Variants in CSMD1 observed in about 807,000 individuals in gnomAD.
CSMD1 encodes CUB and Sushi multiple domains 1.
In CSMD1, 213 loss-of-function variants were observed where a neutral mutation model predicts 417.5. The ratio of observed to expected loss-of-function variants is 0.51; its 90% CI spans 0.46 to 0.57. The LOEUF is 0.57. Among genes scored for constraint, CSMD1 ranks in the 20% least tolerant of loss-of-function variants. The pLI, the probability that CSMD1 is intolerant of heterozygous loss-of-function variation, is 0.00. For synonymous variants in CSMD1, 2,862 were observed against 1,736.8 expected (o/e 1.65, Z -16.11); for missense variants, 6,923 against 4,529.7 (o/e 1.53, Z -15.17).
intron 49 of CSMD1, among the ~76,000 whole-genome samples, chr8:3,071,076 G>T (rs1253938297): frequency 1.3e-5 from 2 of 152,034 alleles, no homozygotes; most frequent in African/African-American, 4.8e-5. Flanking sequence ...AGGTGGGTGG[G>T]GATGCCACAC....
intron 5 of CSMD1, among the ~76,000 whole-genome samples, chr8:3,780,704 T>C (rs760120325): frequency 2.0e-5 from 3 of 152,226 alleles, no homozygotes; most frequent in African/African-American, 7.2e-5. Flanking sequence ...GAGCCCAGCC[T>C]GGTGAGAAAT....
chr8:3,203,351 A>G (rs1439154938), intron 31 of CSMD1, among the ~76,000 whole-genome samples: 6 of 152,140 alleles, frequency 3.9e-5, no homozygotes, highest in Admixed American at 3.9e-4. Flanking sequence ...AGCAAACTCA[A>G]TTGCCAAGAG....
At position 3,872,190 on chromosome 8, in the gene CSMD1, T is replaced by G. The variant is rs546996320; in HGVS notation, c.819-118148A>C. Among the ~76,000 whole-genome samples, 3 of 152,324 alleles carry G rather than the reference T, an allele frequency of 2.0e-5. No homozygotes were observed. In the South Asian group the frequency reaches 6.2e-4, roughly 32 times the overall value. On this transcript the variant is annotated intron_variant, in intron 5 of 69. Transcript: ENST00000635120. ...TCCTCAGTTAAATTACAGTGTTTAA[T>G]GGAAATGTGAGATCGTATACTTCAT...
intron 3 of CSMD1, among the ~76,000 whole-genome samples, chr8:4,186,300 T>G (rs1458538135): frequency 6.6e-6 from 1 of 151,894 alleles, no homozygotes; most frequent in African/African-American, 2.4e-5. Context: ...GTGTTCAAGG[T>G]TGGGGGCAGT....
chr8:4,748,155 C>T (rs192487033), intron 1 of CSMD1, among the ~76,000 whole-genome samples: 2 of 152,172 alleles, frequency 1.3e-5, no homozygotes, highest in Non-Finnish European at 2.9e-5. Flanking sequence ...AGAAAACCCA[C>T]AACATGTTTC....
At chr8:4,317,938 G>A (rs1001301017) in intron 3 of CSMD1, among the ~76,000 whole-genome samples, 2 of 152,168 alleles carry the variant, frequency 1.3e-5, no homozygotes, top group Admixed American at 1.3e-4. Flanking sequence ...GATGTAATAT[G>A]TTGCCGTTCC....
At chr8:4,436,832 G>C (rs1325286405) in intron 2 of CSMD1, among the ~76,000 whole-genome samples, 3 of 152,090 alleles carry the variant, frequency 2.0e-5, no homozygotes, top group Admixed American at 6.5e-5. Context: ...AGCCATGTTG[G>C]TGCAAATGAG....
chr8:4,042,060 T>A (rs1006286463), intron 3 of CSMD1, among the ~76,000 whole-genome samples: 11 of 151,956 alleles, frequency 7.2e-5, no homozygotes, highest in Admixed American at 5.9e-4. Flanking sequence ...GACACAAGTA[T>A]GTAATTAAAC....
chr8:4,237,559 G>C (rs770889117), intron 3 of CSMD1, among the ~76,000 whole-genome samples: 2 of 151,030 alleles, frequency 1.3e-5, no homozygotes, highest in African/African-American at 4.9e-5. Context: ...TTTTGAGTTG[G>C]AGTCTTGCTC....
At chr8:4,351,889 C>T (rs748791289) in intron 3 of CSMD1, among the ~76,000 whole-genome samples, 1 of 151,390 alleles carries the variant, frequency 6.6e-6, no homozygotes, top group African/African-American at 2.4e-5. Flanking sequence ...ATGTGGATTA[C>T]GCACTACAGA....
At chr8:4,988,275 G>A (rs930559858) in intron 1 of CSMD1, among the ~76,000 whole-genome samples, 18 of 152,180 alleles carry the variant, frequency 1.2e-4, no homozygotes, top group Admixed American at 3.9e-4. Flanking sequence ...ATCAAATTAT[G>A]AGCATTAAGA....
intron 49 of CSMD1, among the ~76,000 whole-genome samples, chr8:3,059,288 T>G (rs1812435128): frequency 6.8e-6 from 1 of 147,150 alleles, no homozygotes. Flanking sequence ...AAAACCAGGA[T>G]AAACGTTTAC....
chr8:4,130,666 T>A (rs979565028), intron 3 of CSMD1, among the ~76,000 whole-genome samples: 1 of 152,156 alleles, frequency 6.6e-6, no homozygotes, highest in Non-Finnish European at 1.5e-5. Flanking sequence ...AATCATTTTG[T>A]GATTATAATG....
At chr8:3,287,280 T>A (rs1239866714) in intron 25 of CSMD1, among the ~76,000 whole-genome samples, 2 of 151,572 alleles carry the variant, frequency 1.3e-5, no homozygotes, top group Non-Finnish European at 1.5e-5. Flanking sequence ...GACTTGGTGA[T>A]TCGGGCTCTT....
At chr8:3,767,102 A>C (rs1173429402) in intron 5 of CSMD1, among the ~76,000 whole-genome samples, 3 of 152,192 alleles carry the variant, frequency 2.0e-5, no homozygotes, top group African/African-American at 7.2e-5. Context: ...ACCTCACTCA[A>C]GTACAGTAGC....
rs868521374 is a variant in CSMD1 at position 3,772,490 on chromosome 8, C to T, written c.819-18448G>A. Among the ~76,000 whole-genome samples the T allele has an allele frequency of 7.9e-4, 8 of 10,166 alleles. 1 individual carries two copies. The highest frequency in any genetic ancestry group is 1.0e-3 in the Non-Finnish European group (4 of 3,930). The allele number at this position is 10,166 out of a possible 152,430, so 6.7% of individuals were successfully genotyped here. On this transcript the variant is annotated intron_variant, in intron 5 of 69. Coordinates refer to ENST00000635120, the MANE Select transcript of CSMD1 (RefSeq NM_033225.6). ...ATACACATATATATACATATATACA[C>T]ATATATACATATATACACATATATA...
At chr8:4,460,330 G>C (rs1486554449) in intron 2 of CSMD1, among the ~76,000 whole-genome samples, 2 of 152,008 alleles carry the variant, frequency 1.3e-5, no homozygotes, top group Non-Finnish European at 2.9e-5. Context: ...AAATGCAACT[G>C]AAGAATTGCA....
intron 4 of CSMD1, among the ~76,000 whole-genome samples, chr8:4,024,096 C>T (rs1321970759): frequency 6.6e-6 from 1 of 152,008 alleles, no homozygotes; most frequent in African/African-American, 2.4e-5. Flanking sequence ...CAAGAATATT[C>T]ACATCTTACT....
At chr8:4,835,513 C>T (rs796304480) in intron 1 of CSMD1, among the ~76,000 whole-genome samples, 5 of 152,120 alleles carry the variant, frequency 3.3e-5, no homozygotes, top group Admixed American at 6.5e-5. Flanking sequence ...CAATGAGGTA[C>T]GCAAATCCAG....
Sources: allele counts gnomAD v4.1 joint callset (sites outside exome capture counted in the v4.1 genomes callset), GRCh38; gene constraint gnomAD v4.1.1; transcripts MANE v1.5; gene names NCBI Gene and HGNC (gene_info 2026-07-23, HGNC 2026-07-21).